Variants in BICC1 observed in about 807,000 individuals in gnomAD.
BICC1 encodes BicC family RNA binding protein 1.
Under a neutral mutation model 111.0 loss-of-function variants are expected in BICC1, and 43 were observed. That is an observed-to-expected ratio of 0.39 (90% confidence interval 0.30 to 0.50). The LOEUF (loss-of-function observed/expected upper bound fraction) is 0.50. Among genes scored for constraint, BICC1 ranks in the 20% least tolerant of loss-of-function variants. The pLI is 0.88. For synonymous variants in BICC1, 467 were observed against 434.4 expected, an observed-to-expected ratio of 1.07 and a Z score of -0.93; for missense variants, 1,091 against 1,203.2, an observed-to-expected ratio of 0.91 and a Z score of 1.38.
intron 3 of BICC1, among the ~76,000 whole-genome samples, chr10:58,751,675 C>T (rs1041436313): frequency 2.6e-4 from 40 of 152,172 alleles, no homozygotes; most frequent in Admixed American, 6.5e-4. Context: ...CTGTTTCTTA[C>T]TGCTAGTCAA....
In BICC1 at chr10:58,820,460, C is replaced by A; in HGVS notation, c.2786C>A (p.Ala929Glu). 3 of 1,602,190 alleles carry A rather than the reference C, an allele frequency of 1.9e-6. No homozygotes were observed. Among genetic ancestry groups the A allele is most frequent in the Non-Finnish European group, 2.6e-6 (3 of 1,169,726 alleles). Residue 929 changes from alanine to glutamate, a missense_variant, in exon 20 of 21, where the codon GCA becomes GAA. Around this residue, in one of 3 missense-constraint regions of BICC1, gnomAD observed 231 missense variants for 256.2 expected, o/e 0.90. Transcript: ENST00000373886. The part of the protein sequence containing the change: ...TFGARRKMLL[A>E]ISELNKNRRK... ...GGTGCCAGGAGGAAAATGCTGCTTGCAATTTCAGGTGAATATAAATATTCA... is the reference window on the plus strand; with the variant it reads ...GGTGCCAGGAGGAAAATGCTGCTTGAAATTTCAGGTGAATATAAATATTCA...
At chr10:58,745,115 C>T (rs143021136) in intron 3 of BICC1, among the ~76,000 whole-genome samples, 8 of 152,202 alleles carry the variant, frequency 5.3e-5, no homozygotes, top group African/African-American at 1.7e-4. Flanking sequence ...TGACTCTAAT[C>T]TTCTAAAGAC....
chr10:58,543,067 C>A (rs76478245), intron 1 of BICC1, among the ~76,000 whole-genome samples: 1 of 151,978 alleles, frequency 6.6e-6, no homozygotes. Flanking sequence ...ATGTGCACAC[C>A]CATTTGCATT....
chr10:58,686,066 A>T (rs953979804), intron 2 of BICC1, among the ~76,000 whole-genome samples: 1 of 152,148 alleles, frequency 6.6e-6, no homozygotes, highest in Non-Finnish European at 1.5e-5. Context: ...CCTGGTGGTG[A>T]CAAAATCTCT....
At chr10:58,562,649 T>A (rs1166671048) in intron 1 of BICC1, among the ~76,000 whole-genome samples, 2 of 152,188 alleles carry the variant, frequency 1.3e-5, no homozygotes, top group African/African-American at 2.4e-5. Context: ...GGAGAATAGT[T>A]TTCCTTTGGA....
At chr10:58,647,713 G>T (rs992310661) in intron 2 of BICC1, among the ~76,000 whole-genome samples, 1 of 151,986 alleles carries the variant, frequency 6.6e-6, no homozygotes, top group Admixed American at 6.6e-5. Flanking sequence ...TTTTGATGGG[G>T]TTTAAAGAGC....
chr10:58,616,852 T>G (rs1365975250), intron 1 of BICC1, among the ~76,000 whole-genome samples: 1 of 152,218 alleles, frequency 6.6e-6, no homozygotes, highest in African/African-American at 2.4e-5. Flanking sequence ...CCATATGTCA[T>G]GGTCTTGTTA....
At chr10:58,751,536 T>A (rs962349638) in intron 3 of BICC1, among the ~76,000 whole-genome samples, 5 of 152,186 alleles carry the variant, frequency 3.3e-5, no homozygotes, top group Admixed American at 2.0e-4. Context: ...ACTATTTCAT[T>A]TGTTCTCTCT....
At chr10:58,811,070 T>C (rs1334567428) in intron 17 of BICC1, among the ~76,000 whole-genome samples, 2 of 152,196 alleles carry the variant, frequency 1.3e-5, no homozygotes, top group African/African-American at 4.8e-5. Context: ...ATTAATCTAC[T>C]TCAAAGAGAT....
intron 3 of BICC1, among the ~76,000 whole-genome samples, chr10:58,777,986 G>A (rs777863525): frequency 4.6e-5 from 7 of 152,010 alleles, no homozygotes; most frequent in Admixed American, 1.3e-4. Flanking sequence ...TTGGGAGGCC[G>A]AGTCAATGGG....
At chr10:58,668,081 C>G (rs774071726) in intron 2 of BICC1, among the ~76,000 whole-genome samples, 1 of 151,964 alleles carries the variant, frequency 6.6e-6, no homozygotes, top group African/African-American at 2.4e-5. Flanking sequence ...AAATATTTCA[C>G]GGTCATCCGG....
intron 2 of BICC1, among the ~76,000 whole-genome samples, chr10:58,667,050 G>A (rs1839035818): frequency 6.6e-6 from 1 of 152,056 alleles, no homozygotes; most frequent in African/African-American, 2.4e-5. Flanking sequence ...TGGTCAGCTA[G>A]AAGGAAAAAA....
chr10:58,671,065 A>G (rs926684686), intron 2 of BICC1, among the ~76,000 whole-genome samples: 11 of 152,160 alleles, frequency 7.2e-5, no homozygotes, highest in Non-Finnish European at 1.6e-4. Flanking sequence ...ATGGTTTTGC[A>G]TGACCCTCGT....
intron 1 of BICC1, among the ~76,000 whole-genome samples, chr10:58,523,953 G>A (rs1241199497): frequency 6.6e-6 from 1 of 152,114 alleles, no homozygotes; most frequent in African/African-American, 2.4e-5. Flanking sequence ...ATTCACAATT[G>A]CTTCAAAGAG....
intron 2 of BICC1, among the ~76,000 whole-genome samples, chr10:58,642,263 T>C (rs1005187696): frequency 6.6e-6 from 1 of 152,180 alleles, no homozygotes; most frequent in Non-Finnish European, 1.5e-5. Context: ...CAGCTACTCA[T>C]GGTGGCTTCT....
chr10:58,557,257 G>A (rs1843475511), intron 1 of BICC1, among the ~76,000 whole-genome samples: 1 of 151,366 alleles, frequency 6.6e-6, no homozygotes, highest in African/African-American at 2.4e-5. Context: ...TTGTTGCCTT[G>A]TAGATAATGT....
intron 2 of BICC1, among the ~76,000 whole-genome samples, chr10:58,665,703 G>A (rs1445268316): frequency 6.6e-6 from 1 of 152,124 alleles, no homozygotes; most frequent in African/African-American, 2.4e-5. Context: ...GAGACTTTAT[G>A]TGTTTTGATC....
At chr10:58,637,504 C>A (rs1837985214) in intron 2 of BICC1, among the ~76,000 whole-genome samples, 1 of 152,208 alleles carries the variant, frequency 6.6e-6, no homozygotes, top group Non-Finnish European at 1.5e-5. Flanking sequence ...CGTGTCTCAG[C>A]CACAAGAATT....
intron 1 of BICC1, among the ~76,000 whole-genome samples, chr10:58,582,623 T>C (rs1564497334): frequency 6.6e-6 from 1 of 152,200 alleles, no homozygotes; most frequent in East Asian, 1.9e-4. Context: ...CTTAGAATTA[T>C]AGAGGTCAGA....
Sources: allele counts gnomAD v4.1 joint callset (sites outside exome capture counted in the v4.1 genomes callset), GRCh38; gene constraint gnomAD v4.1.1; regional missense constraint gnomAD v4.1.1; transcripts MANE v1.5; gene names NCBI Gene and HGNC (gene_info 2026-07-23, HGNC 2026-07-21).